KSR2: variants seen among roughly 807,000 people sequenced by gnomAD.
The protein encoded by KSR2 is kinase suppressor of ras 2.
A neutral mutation model predicts 107.8 loss-of-function variants in KSR2; 25 were observed. The observed-to-expected ratio is 0.23, with a 90% CI of 0.17 to 0.32. The LOEUF is 0.32. KSR2 is among the 10% of genes least tolerant of loss of function. The probability of loss-of-function intolerance (pLI) is 1.00; values close to 1 mark genes in which losing one functional copy is unlikely to be tolerated. For missense variants in KSR2, 887 were observed against 1,268.9 expected, an observed-to-expected ratio of 0.70 and a Z score of 4.57; for synonymous variants, 480 against 507.0, an observed-to-expected ratio of 0.95 and a Z score of 0.71.
intron 5 of KSR2, among the ~76,000 whole-genome samples, chr12:117,597,843 A>T (rs1880732929): frequency 6.6e-6 from 1 of 152,208 alleles, no homozygotes; most frequent in Non-Finnish European, 1.5e-5. Flanking sequence ...ACATTTATTT[A>T]TCAAGCTCCT....
intron 4 of KSR2, among the ~76,000 whole-genome samples, chr12:117,760,674 C>T (rs1226993683): frequency 6.6e-6 from 1 of 152,182 alleles, no homozygotes; most frequent in Non-Finnish European, 1.5e-5. Context: ...GGGCTATTCT[C>T]ACTCTGCCAT....
rs1482454243 is a variant in KSR2, at chr12:117,524,895, T to C, written c.2176A>G (p.Met726Val). 2.0e-5 allele frequency: 32 copies of C among 1,613,540 alleles called. No homozygotes were observed. The highest frequency in any genetic ancestry group is 2.6e-5 in the Non-Finnish European group (31 of 1,179,668). The change falls in exon 14 of 20, where the codon ATG (methionine) becomes GTG (valine). Residue 726 changes from methionine to valine, a missense_variant. Met to Val is a conservative substitution (Grantham distance 21, BLOSUM62 1). Coordinates refer to ENST00000339824, the MANE Select transcript of KSR2 (RefSeq NM_173598.6). The part of the protein sequence containing the change: ...QTRHENVVLF[M>V]GACMSPPHLA... ...TGAGGCGGGCTCATGCAGGCACCCA[T>C]GAAAAGCACCACGTTCTCATGCCGT...
chr12:117,827,636 T>A (rs11830157), intron 3 of KSR2, among the ~76,000 whole-genome samples: 1 of 152,134 alleles, frequency 6.6e-6, no homozygotes, highest in African/African-American at 2.4e-5. Flanking sequence ...TGTTGGCTGC[T>A]GCTATTGATA....
At chr12:117,688,616 C>T (rs1175250321) in intron 4 of KSR2, among the ~76,000 whole-genome samples, 1 of 152,208 alleles carries the variant, frequency 6.6e-6, no homozygotes, top group Non-Finnish European at 1.5e-5. Flanking sequence ...ATACTTTTCA[C>T]ATGCTAGTGT....
At chr12:117,641,057 C>A (rs10850873) in intron 5 of KSR2, among the ~76,000 whole-genome samples, 1 of 152,024 alleles carries the variant, frequency 6.6e-6, no homozygotes, top group Non-Finnish European at 1.5e-5. Context: ...ACAATGGAAA[C>A]GCATTCTCTC....
At position 117,530,952 on chromosome 12, in the gene KSR2, G is replaced by A. The variant is rs1371399864; in HGVS notation, c.1791C>T (p.Thr597=). ...RAPQVILHPV[T]SNPILEGNPL... is the part of the protein sequence containing the mutation. ...TCTGTCTCACTTACATTGGATTCGA[G>A]GTCACCGGATGCAGGATGACCTGGG... is the stretch of plus-strand genomic sequence containing the variant. The change falls in exon 12 of 20, where the codon ACC becomes ACT. Residue 597 remains threonine (T), a synonymous_variant. Coordinates refer to ENST00000339824, the MANE Select transcript of KSR2 (RefSeq NM_173598.6). The A allele has an allele frequency of 5.6e-6, 9 of 1,613,712 alleles. No individual in the cohort carries two copies. The highest frequency in any genetic ancestry group is 1.6e-4 in the Middle Eastern group (1 of 6,062).
intron 1 of KSR2, among the ~76,000 whole-genome samples, chr12:117,871,306 A>G (rs1893643272): frequency 6.6e-6 from 1 of 152,102 alleles, no homozygotes. Context: ...ATGTCACGCC[A>G]GGCCAAGCGC....
intron 12 of KSR2, among the ~76,000 whole-genome samples, chr12:117,530,524 C>T (rs909497514): frequency 6.6e-6 from 1 of 152,124 alleles, no homozygotes; most frequent in Non-Finnish European, 1.5e-5. Flanking sequence ...TTCCATAAAC[C>T]TCAATGAGAC....
At chr12:117,839,086 A>G (rs925280682) in intron 3 of KSR2, among the ~76,000 whole-genome samples, 1 of 152,216 alleles carries the variant, frequency 6.6e-6, no homozygotes, top group Non-Finnish European at 1.5e-5. Context: ...AAAATCTCTC[A>G]TTATCTGATC....
intron 2 of KSR2, among the ~76,000 whole-genome samples, chr12:117,855,917 T>G (rs955110839): frequency 1.3e-5 from 2 of 152,134 alleles, no homozygotes; most frequent in East Asian, 3.9e-4. Context: ...GCCCCATTTT[T>G]TCATGTTTGC....
chr12:117,923,579 C>T (rs1054071685), intron 1 of KSR2, among the ~76,000 whole-genome samples: 12 of 152,156 alleles, frequency 7.9e-5, no homozygotes, highest in African/African-American at 2.4e-4. Flanking sequence ...GTGGGAGGAT[C>T]GCTTGAGCCC....
chr12:117,466,059 GA>G lies in KSR2; in HGVS notation c.*1139del, dbSNP rs1871131716. 2 of 152,218 alleles carry G rather than the reference GA, an allele frequency of 1.3e-5. No homozygotes were observed. Among genetic ancestry groups the G allele is most frequent in the Admixed American group, 1.3e-4 (2 of 15,280 alleles). 9.4% of individuals were successfully genotyped at this position (152,218 alleles called of 1,614,324 possible). A position where few individuals can be genotyped will look rare whatever the true frequency, so the allele number is the denominator to read the frequency against. On this transcript the variant is annotated 3_prime_UTR_variant, in exon 20 of 20. Transcript: ENST00000339824. Reference sequence around the variant, plus strand: ...GCTTCCGATGGGGAAGCTACTTGAGGACCCCGCACCAGGCTAGAGCAAAGAA... The same window carrying G: ...GCTTCCGATGGGGAAGCTACTTGAGGCCCCGCACCAGGCTAGAGCAAAGAA...
At position 117,792,409 on chromosome 12, in the gene KSR2, G is replaced by A. The variant is rs1530542; in HGVS notation, c.473-30885C>T. On this transcript the variant is annotated intron_variant, in intron 3 of 19. Transcript: ENST00000339824. ...TCTGGAGTCAGACAGACCTGCTTAC[G>A]CTACATGCAACACCTGGGCACGCTG... Among the ~76,000 whole-genome samples, 512 of 152,054 alleles carry A rather than the reference G, an allele frequency of 3.4e-3. 5 individuals carry two copies. The highest frequency in any genetic ancestry group is 0.012 in the African/African-American group (499 of 41,452).
chr12:117,965,346 A>C (rs1896755458), intron 1 of KSR2, among the ~76,000 whole-genome samples: 1 of 152,212 alleles, frequency 6.6e-6, no homozygotes, highest in African/African-American at 2.4e-5. Flanking sequence ...ATGAAGAGAA[A>C]CCATTATTTG....
chr12:117,661,346 A>G (rs1884424850), intron 5 of KSR2, among the ~76,000 whole-genome samples: 1 of 152,204 alleles, frequency 6.6e-6, no homozygotes, highest in African/African-American at 2.4e-5. Flanking sequence ...GTACTGACTC[A>G]ATGTCAAGTT....
chr12:117,461,640 C>A lies in KSR2; in HGVS notation c.*5559G>T. The stretch of plus-strand genomic sequence containing the variant: ...GTTAATATCATAGTCAGGCACTGAC[C>A]AGAGAGGACAGAGGTTCACTGCGGC... On this transcript the variant is annotated 3_prime_UTR_variant, in exon 20 of 20. Coordinates refer to ENST00000339824, the MANE Select transcript of KSR2 (RefSeq NM_173598.6). 5.5e-6 allele frequency: 1 copy of A among 183,066 alleles called. No homozygotes were observed. The highest frequency in any genetic ancestry group is 1.4e-4 in the East Asian group (1 of 7,236). The allele number at this position is 183,066 out of a possible 1,614,324, so 11.3% of individuals were successfully genotyped here. A position where few individuals can be genotyped will look rare whatever the true frequency, so the allele number is the denominator to read the frequency against.
chr12:117,777,518 G>GT (rs934481787), intron 3 of KSR2, among the ~76,000 whole-genome samples: 3 of 152,164 alleles, frequency 2.0e-5, no homozygotes, highest in Non-Finnish European at 2.9e-5. Context: ...GCGACTCAAA[G>GT]TTTTTTACCA....
At chr12:117,728,979 C>T (rs1181044684) in intron 4 of KSR2, among the ~76,000 whole-genome samples, 6 of 152,204 alleles carry the variant, frequency 3.9e-5, no homozygotes, top group Admixed American at 6.5e-5. Flanking sequence ...AAGAGATACA[C>T]GCATGTAAGG....
intron 14 of KSR2, among the ~76,000 whole-genome samples, chr12:117,514,544 CTTTTTTT>C (rs55927845): frequency 7.7e-6 from 1 of 130,088 alleles, no homozygotes; most frequent in East Asian, 2.2e-4. Context: ...CTCTCTCTCT[CTTTTTTT>C]TTTTTTTTTT....
Sources: allele counts gnomAD v4.1 joint callset (sites outside exome capture counted in the v4.1 genomes callset), GRCh38; gene constraint gnomAD v4.1.1; transcripts MANE v1.5; gene names NCBI Gene and HGNC (gene_info 2026-07-23, HGNC 2026-07-21).